The following CPNE4 variants were observed in gnomAD, a reference collection of about 807,000 sequenced individuals.
CPNE4 encodes copine 4.
Under a neutral mutation model 67.9 loss-of-function variants are expected in CPNE4, and 25 were observed. The ratio of observed to expected loss-of-function variants is 0.37; its 90% CI spans 0.27 to 0.51. The LOEUF is 0.51. CPNE4 is among the 20% of genes least tolerant of loss of function. The pLI, the probability that CPNE4 is intolerant of heterozygous loss-of-function variation, is 0.93. For missense variants in CPNE4, 464 were observed against 690.8 expected (o/e 0.67, Z 3.68); for synonymous variants, 242 against 244.9 (o/e 0.99, Z 0.11).
At chr3:131,621,386 A>G (rs1349064161) in intron 7 of CPNE4, among the ~76,000 whole-genome samples, 2 of 152,124 alleles carry the variant, frequency 1.3e-5, no homozygotes, top group African/African-American at 4.8e-5. Flanking sequence ...CTAGGACCAC[A>G]GATGTGCACC....
intron 1 of CPNE4, among the ~76,000 whole-genome samples, chr3:132,019,755 G>A (rs1344463991): frequency 6.6e-6 from 1 of 152,090 alleles, no homozygotes; most frequent in Non-Finnish European, 1.5e-5. Flanking sequence ...TTGTTTTTGA[G>A]TAATGGTTCT....
rs754725157 is a variant in CPNE4, at chr3:131,540,977, G to T, written c.1539+1580C>A. ...CACAGATAAGCTTCACGGTACTGAA[G>T]GTTCTGAAGATTCCCTGTTGCCAGG... On this transcript the variant is annotated intron_variant, in intron 15 of 15. Transcript: ENST00000429747. 4.9e-4 allele frequency among the ~76,000 whole-genome samples: 75 copies of T among 152,162 alleles called. 2 individuals carry two copies. The highest frequency in any genetic ancestry group is 3.2e-4 in the Non-Finnish European group (22 of 68,012).
chr3:131,986,830 C>CAAAAAAAAAAAAACAAA (rs369896508), intron 1 of CPNE4, among the ~76,000 whole-genome samples: 1 of 87,450 alleles, frequency 1.1e-5, no homozygotes, highest in Non-Finnish European at 2.2e-5. Flanking sequence ...GACTCGGTCT[C>CAAAAAAAAAAAAACAAA]AAAAAAAAAA....
intron 2 of CPNE4, among the ~76,000 whole-genome samples, chr3:131,841,500 T>C (rs1443606790): frequency 6.6e-6 from 1 of 152,102 alleles, no homozygotes; most frequent in Non-Finnish European, 1.5e-5. Flanking sequence ...CGGCATTAGA[T>C]TCTCATAGGA....
At chr3:131,762,658 A>G (rs1174806727) in intron 2 of CPNE4, among the ~76,000 whole-genome samples, 1 of 152,124 alleles carries the variant, frequency 6.6e-6, no homozygotes, top group Non-Finnish European at 1.5e-5. Flanking sequence ...CATCTGAGCA[A>G]TATTAAGTAA....
intron 2 of CPNE4, among the ~76,000 whole-genome samples, chr3:131,819,491 TACACACACACAC>T (rs5852655): frequency 3.4e-5 from 5 of 146,172 alleles, no homozygotes; most frequent in East Asian, 2.0e-4. Flanking sequence ...CACACACAGA[TACACACACACAC>T]ACACACACAC....
intron 7 of CPNE4, among the ~76,000 whole-genome samples, chr3:131,664,225 A>G (rs920231571): frequency 6.6e-6 from 1 of 152,222 alleles, no homozygotes. Flanking sequence ...TAATTGGGTT[A>G]TGAATAAATA....
In CPNE4 at chr3:131,754,146, G is replaced by A. The variant is rs193039791; in HGVS notation, c.181-30521C>T. 7.8e-4 allele frequency among the ~76,000 whole-genome samples: 118 copies of A among 152,106 alleles called. 1 individual carries two copies. The highest frequency in any genetic ancestry group is 2.8e-3 in the African/African-American group (115 of 41,508). On this transcript the variant is annotated intron_variant, in intron 2 of 15. Coordinates refer to ENST00000429747, the MANE Select transcript of CPNE4 (RefSeq NM_130808.3). ...GTTGACTTGCAGAGATTTTCATAAG[G>A]TATTTTTTTTATGGAAAAAAGCAAG...
chr3:131,616,578 G>A (rs1051519079), intron 7 of CPNE4, among the ~76,000 whole-genome samples: 4 of 152,138 alleles, frequency 2.6e-5, no homozygotes, highest in Middle Eastern at 3.2e-3. Context: ...GACAGATTTG[G>A]CACACAGGTG....
intron 2 of CPNE4, among the ~76,000 whole-genome samples, chr3:131,804,654 G>T (rs1000804368): frequency 7.9e-5 from 12 of 152,192 alleles, no homozygotes; most frequent in African/African-American, 2.9e-4. Flanking sequence ...GGCTGGCCTT[G>T]TAACTTGCTT....
At chr3:131,775,281 C>A (rs1329301449) in intron 2 of CPNE4, among the ~76,000 whole-genome samples, 1 of 152,098 alleles carries the variant, frequency 6.6e-6, no homozygotes, top group Non-Finnish European at 1.5e-5. Context: ...AGCATAAATT[C>A]TTTAAAACTT....
At chr3:132,005,336 TATATATACACACACACACACACACACAC>T (rs1471833528) in intron 1 of CPNE4, among the ~76,000 whole-genome samples, 10 of 24,350 alleles carry the variant, frequency 4.1e-4, no homozygotes, top group South Asian at 1.6e-3. Flanking sequence ...TATATATATA[TATATATACACACACACACACACACACAC>T]ACACACACAT....
chr3:131,921,963 T>C (rs546759196), intron 1 of CPNE4, among the ~76,000 whole-genome samples: 1 of 152,270 alleles, frequency 6.6e-6, no homozygotes, highest in Non-Finnish European at 1.5e-5. Context: ...AGGGGGCACA[T>C]GTGCAGGTCT....
rs374557236 is a variant in CPNE4, at chr3:131,549,175, C to T, written c.1302+772G>A. Among the ~76,000 whole-genome samples the T allele has an allele frequency of 7.9e-5, 12 of 152,168 alleles. 1 individual carries two copies. The highest frequency in any genetic ancestry group is 2.9e-4 in the African/African-American group (12 of 41,538). Reference sequence around the variant, plus strand: ...GAGCATGGTCCTCCATCCATTCTAACATGAAGGAAGGCTGAGAACATGAAG... The same window carrying T: ...GAGCATGGTCCTCCATCCATTCTAATATGAAGGAAGGCTGAGAACATGAAG... On this transcript the variant is annotated intron_variant, in intron 14 of 15. Transcript: ENST00000429747.
chr3:131,884,735 T>A (rs1162000508), intron 2 of CPNE4, among the ~76,000 whole-genome samples: 1 of 152,170 alleles, frequency 6.6e-6, no homozygotes, highest in African/African-American at 2.4e-5. Flanking sequence ...GGTGAACATG[T>A]CTCACAAGAT....
intron 7 of CPNE4, among the ~76,000 whole-genome samples, chr3:131,666,078 A>C (rs964483027): frequency 9.2e-5 from 14 of 152,208 alleles, no homozygotes; most frequent in Admixed American, 6.5e-5. Context: ...GAAGGCAAGG[A>C]ATACGGAAGT....
chr3:131,614,197 T>A (rs1940010197), intron 7 of CPNE4, among the ~76,000 whole-genome samples: 1 of 152,214 alleles, frequency 6.6e-6, no homozygotes, highest in African/African-American at 2.4e-5. Context: ...TCTATACTAT[T>A]GTTTTGTGAT....
intron 2 of CPNE4, among the ~76,000 whole-genome samples, chr3:131,819,358 T>G (rs755351465): frequency 2.4e-4 from 37 of 152,126 alleles, no homozygotes; most frequent in Non-Finnish European, 4.7e-4. Context: ...GATCTCAATA[T>G]AGGCTAGACT....
At chr3:131,973,089 G>T (rs2072547027) in intron 1 of CPNE4, among the ~76,000 whole-genome samples, 1 of 152,158 alleles carries the variant, frequency 6.6e-6, no homozygotes, top group African/African-American at 2.4e-5. Context: ...TGTAACAGCA[G>T]AGTGGGATTT....
Sources: allele counts gnomAD v4.1 joint callset (sites outside exome capture counted in the v4.1 genomes callset), GRCh38; gene constraint gnomAD v4.1.1; transcripts MANE v1.5; gene names NCBI Gene and HGNC (gene_info 2026-07-23, HGNC 2026-07-21).